RALYL: variants seen among roughly 807,000 people sequenced by gnomAD.
The protein encoded by RALYL is RALY RNA binding protein like, also known as RNA-binding Raly-like protein.
In RALYL, 29 loss-of-function variants were observed where a neutral mutation model predicts 35.1. That is an observed-to-expected ratio of 0.83 (90% CI 0.61 to 1.13). The LOEUF (loss-of-function observed/expected upper bound fraction) is 1.13. Among genes scored for constraint, RALYL ranks in the 50% most tolerant of loss-of-function variants. The pLI is 0.00. For synonymous variants in RALYL, 120 were observed against 127.6 expected (o/e 0.94, Z 0.40); for missense variants, 359 against 360.4 (o/e 1.00, Z 0.03).
intron 1 of RALYL, among the ~76,000 whole-genome samples, chr8:84,227,372 T>G (rs1007616124): frequency 2.0e-5 from 3 of 152,110 alleles, no homozygotes; most frequent in African/African-American, 7.2e-5. Flanking sequence ...AAAAATGTAT[T>G]TCTTAAAAAG....
chr8:84,636,439 A>G (rs1442645008), intron 2 of RALYL, among the ~76,000 whole-genome samples: 1 of 151,808 alleles, frequency 6.6e-6, no homozygotes, highest in African/African-American at 2.4e-5. Context: ...TCAGGAAATG[A>G]ACACATTTTT....
At chr8:84,708,485 G>A (rs1841597821) in intron 2 of RALYL, among the ~76,000 whole-genome samples, 1 of 152,076 alleles carries the variant, frequency 6.6e-6, no homozygotes, top group Non-Finnish European at 1.5e-5. Context: ...ACTGTATACA[G>A]AATATTTTGA....
chr8:84,877,230 T>A (rs1011904848), intron 7 of RALYL, among the ~76,000 whole-genome samples: 3 of 152,270 alleles, frequency 2.0e-5, no homozygotes, highest in Non-Finnish European at 2.9e-5. Flanking sequence ...CTCACACCTG[T>A]AATCCTAGCA....
At chr8:84,786,567 C>T (rs1419481656) in intron 3 of RALYL, among the ~76,000 whole-genome samples, 1 of 152,144 alleles carries the variant, frequency 6.6e-6, no homozygotes, top group Non-Finnish European at 1.5e-5. Context: ...ATTTGCATTT[C>T]TCTAATGACC....
At chr8:84,778,202 C>A (rs1817307193) in intron 3 of RALYL, among the ~76,000 whole-genome samples, 1 of 152,176 alleles carries the variant, frequency 6.6e-6, no homozygotes, top group Non-Finnish European at 1.5e-5. Flanking sequence ...TATAACTATT[C>A]TATTTGGACC....
At chr8:84,645,283 A>G (rs1215973724) in intron 2 of RALYL, among the ~76,000 whole-genome samples, 1 of 151,796 alleles carries the variant, frequency 6.6e-6, no homozygotes, top group African/African-American at 2.4e-5. Flanking sequence ...ACTTGTTTAT[A>G]CTACATTTTA....
intron 1 of RALYL, among the ~76,000 whole-genome samples, chr8:84,232,885 G>A (rs576053639): frequency 6.6e-6 from 1 of 152,064 alleles, no homozygotes; most frequent in African/African-American, 2.4e-5. Context: ...GCCATTAAAA[G>A]TGGTATAGTA....
chr8:84,802,990 T>C (rs1198721264), intron 3 of RALYL, among the ~76,000 whole-genome samples: 1 of 152,038 alleles, frequency 6.6e-6, no homozygotes, highest in Non-Finnish European at 1.5e-5. Flanking sequence ...AGGAGAAAGA[T>C]ATAAAACCTT....
chr8:84,203,007 C>A (rs1445795914), intron 1 of RALYL, among the ~76,000 whole-genome samples: 2 of 152,064 alleles, frequency 1.3e-5, no homozygotes, highest in Non-Finnish European at 2.9e-5. Flanking sequence ...AGAGATCAGT[C>A]CCTCATGTAG....
intron 3 of RALYL, among the ~76,000 whole-genome samples, chr8:84,791,634 G>A (rs1307325824): frequency 2.0e-5 from 3 of 152,132 alleles, no homozygotes; most frequent in African/African-American, 4.8e-5. Flanking sequence ...TTAAACGGTA[G>A]CAACTGAGAT....
chr8:84,209,792 AGTGTTC>A, intron 1 of RALYL, among the ~76,000 whole-genome samples: 1 of 152,162 alleles, frequency 6.6e-6, no homozygotes, highest in Admixed American at 6.6e-5. Flanking sequence ...ATTCAAGTAT[AGTGTTC>A]TAACACCTCT....
At chr8:84,799,706 C>T (rs568298811) in intron 3 of RALYL, among the ~76,000 whole-genome samples, 1 of 152,334 alleles carries the variant, frequency 6.6e-6, no homozygotes, top group Non-Finnish European at 1.5e-5. Context: ...CCTGTAATCC[C>T]AGCACTTTGG....
chr8:84,905,019 A>T (rs1290187480), intron 8 of RALYL, among the ~76,000 whole-genome samples: 1 of 152,186 alleles, frequency 6.6e-6, no homozygotes, highest in Non-Finnish European at 1.5e-5. Context: ...TGACTATGCA[A>T]TGTTGTACAG....
intron 2 of RALYL, among the ~76,000 whole-genome samples, chr8:84,763,171 G>T (rs1276266314): frequency 1.3e-5 from 2 of 151,946 alleles, no homozygotes; most frequent in Non-Finnish European, 2.9e-5. Flanking sequence ...TCACAAAAAG[G>T]ACCTAAGAAA....
intron 1 of RALYL, among the ~76,000 whole-genome samples, chr8:84,367,024 G>GA (rs892001304): frequency 2.7e-5 from 4 of 150,630 alleles, no homozygotes; most frequent in Middle Eastern, 3.4e-3. Context: ...GGTGTTCGGG[G>GA]AAAAAAAACA....
intron 1 of RALYL, among the ~76,000 whole-genome samples, chr8:84,238,383 A>G (rs1443029563): frequency 6.6e-6 from 1 of 151,972 alleles, no homozygotes; most frequent in East Asian, 1.9e-4. Flanking sequence ...TTCTCCGAAG[A>G]CTCAAATCTT....
At chr8:84,244,900 C>G (rs1828747368) in intron 1 of RALYL, among the ~76,000 whole-genome samples, 1 of 152,044 alleles carries the variant, frequency 6.6e-6, no homozygotes, top group Non-Finnish European at 1.5e-5. Flanking sequence ...TACATGCTGG[C>G]AGAAGACACA....
chr8:84,321,604 C>T (rs534699446), intron 1 of RALYL, among the ~76,000 whole-genome samples: 1 of 152,160 alleles, frequency 6.6e-6, no homozygotes, highest in Non-Finnish European at 1.5e-5. Context: ...GGGATTTCCC[C>T]CACGACAGCC....
intron 1 of RALYL, among the ~76,000 whole-genome samples, chr8:84,349,239 C>T (rs1218482789): frequency 6.7e-6 from 1 of 150,318 alleles, no homozygotes; most frequent in Non-Finnish European, 1.5e-5. Context: ...TAACACTTAC[C>T]ACCCATCCCT....
Sources: gnomAD v4.1 joint callset for allele counts (sites outside exome capture counted in the v4.1 genomes callset) on GRCh38, gnomAD v4.1.1 for gene constraint, MANE v1.5 for transcripts, NCBI Gene and HGNC (gene_info 2026-07-23, HGNC 2026-07-21) for gene names.